The following PCDH7 variants were observed in gnomAD, a reference collection of about 807,000 sequenced individuals.
PCDH7 encodes the protein protocadherin-7.
A neutral mutation model predicts 58.9 loss-of-function variants in PCDH7; 17 were observed. The observed-to-expected ratio is 0.29, with a 90% CI of 0.20 to 0.43. The LOEUF is 0.43. PCDH7 is among the 20% of genes least tolerant of loss of function. PCDH7 has a pLI of 1.00. For synonymous variants in PCDH7, 664 were observed against 616.4 expected, an observed-to-expected ratio of 1.08 and a Z score of -1.14; for missense variants, 1,274 against 1,441.0, an observed-to-expected ratio of 0.88 and a Z score of 1.88.
intron 1 of PCDH7, among the ~76,000 whole-genome samples, chr4:30,888,212 G>C (rs1018569668): frequency 6.6e-6 from 1 of 151,920 alleles, no homozygotes; most frequent in Admixed American, 6.6e-5. Context: ...GTAATGGATC[G>C]ATCATAATTG....
intron 3 of PCDH7, among the ~76,000 whole-genome samples, chr4:31,117,369 T>C (rs1010554541): frequency 6.6e-6 from 1 of 152,210 alleles, no homozygotes; most frequent in African/African-American, 2.4e-5. Context: ...TTTTCTCTAG[T>C]TCCATTAAGG....
intron 1 of PCDH7, among the ~76,000 whole-genome samples, chr4:30,742,013 T>C (rs1054889246): frequency 2.6e-5 from 4 of 152,190 alleles, no homozygotes; most frequent in African/African-American, 7.2e-5. Flanking sequence ...GTTTCCTGGA[T>C]ACACCAGGAA....
intron 1 of PCDH7, among the ~76,000 whole-genome samples, chr4:30,809,325 A>C (rs1726678557): frequency 6.6e-6 from 1 of 152,232 alleles, no homozygotes; most frequent in African/African-American, 2.4e-5. Flanking sequence ...TAGGTCTTGA[A>C]TACCTAAGTC....
intron 3 of PCDH7, among the ~76,000 whole-genome samples, chr4:31,015,996 A>G (rs1753574229): frequency 6.6e-6 from 1 of 152,202 alleles, no homozygotes; most frequent in Admixed American, 6.5e-5. Context: ...GCTTCTGGTG[A>G]CAGAAAAGAT....
At chr4:31,027,398 A>G (rs1481324909) in intron 3 of PCDH7, among the ~76,000 whole-genome samples, 1 of 152,016 alleles carries the variant, frequency 6.6e-6, no homozygotes, top group Non-Finnish European at 1.5e-5. Context: ...TATGTTATGT[A>G]TGTGTATGTA....
intron 2 of PCDH7, among the ~76,000 whole-genome samples, chr4:30,945,861 G>T (rs78354683): frequency 6.6e-6 from 1 of 151,864 alleles, no homozygotes; most frequent in Non-Finnish European, 1.5e-5. Context: ...TAATTCCATC[G>T]GGCCACAGTT....
chr4:30,789,292 A>G (rs998843632), intron 1 of PCDH7, among the ~76,000 whole-genome samples: 5 of 152,298 alleles, frequency 3.3e-5, no homozygotes, highest in African/African-American at 1.2e-4. Context: ...CCCTGCAAGG[A>G]TTGATCAGCA....
In PCDH7 at chr4:30,722,387, C is replaced by G. The variant is rs773326185; in HGVS notation, c.965C>G (p.Ala322Gly). ...GAGGCCGACTTGGCTGAGAACAGCG[C>G]CCCGGGGACCCCCATCCTGCAACTG... The change falls in exon 1 of 2, where the codon GCC becomes GGC. Residue 322 changes from alanine to glycine, a missense_variant. Physicochemically the swap from Ala to Gly is moderately conservative, Grantham distance 60 (BLOSUM62 0). Coordinates refer to ENST00000361762, the Ensembl canonical transcript of PCDH7. This position sits in a 1 kb window ranked among gnomAD's most constrained non-coding sequence, Gnocchi z 7.6. 4 of 1,612,614 alleles carry G rather than the reference C, an allele frequency of 2.5e-6. No homozygotes were observed. In the South Asian group the frequency reaches 4.4e-5, roughly 18 times the overall value.
intron 1 of PCDH7, among the ~76,000 whole-genome samples, chr4:30,752,887 G>A (rs1323373671): frequency 6.6e-6 from 1 of 151,580 alleles, no homozygotes; most frequent in African/African-American, 2.4e-5. Context: ...ATATACTGTA[G>A]ATATTTAAAT....
At chr4:30,937,918 A>C (rs777502412) in intron 2 of PCDH7, among the ~76,000 whole-genome samples, 2 of 151,666 alleles carry the variant, frequency 1.3e-5, no homozygotes, top group Non-Finnish European at 2.9e-5. Context: ...TGGCGTGTGT[A>C]GTTTGCTAAT....
chr4:30,880,293 A>G (rs1269616455), intron 1 of PCDH7, among the ~76,000 whole-genome samples: 6 of 151,986 alleles, frequency 3.9e-5, no homozygotes, highest in African/African-American at 1.4e-4. Flanking sequence ...AAGAAAAAAA[A>G]AAAAACCCTC....
chr4:30,770,069 A>T (rs1394437888), intron 1 of PCDH7, among the ~76,000 whole-genome samples: 1 of 152,176 alleles, frequency 6.6e-6, no homozygotes, highest in Non-Finnish European at 1.5e-5. Context: ...TGTACTCGTA[A>T]TGGCCATTGG....
At chr4:30,994,069 A>G (rs1448291575) in intron 3 of PCDH7, among the ~76,000 whole-genome samples, 3 of 68,932 alleles carry the variant, frequency 4.4e-5, no homozygotes, top group African/African-American at 3.2e-4. Context: ...ACAAATAAGT[A>G]TAATAGTGGT....
intron 2 of PCDH7, among the ~76,000 whole-genome samples, chr4:30,920,660 C>T (rs991260760): frequency 6.6e-6 from 1 of 152,100 alleles, no homozygotes; most frequent in African/African-American, 2.4e-5. Flanking sequence ...TGCAGAATTC[C>T]TAAACAATAG....
intron 1 of PCDH7, among the ~76,000 whole-genome samples, chr4:30,738,542 T>C (rs1216537493): frequency 6.6e-6 from 1 of 152,230 alleles, no homozygotes; most frequent in Non-Finnish European, 1.5e-5. Flanking sequence ...GTCTGCAATG[T>C]TAAGCTTTCA....
At chr4:30,965,989 A>T (rs1034879455) in intron 3 of PCDH7, among the ~76,000 whole-genome samples, 2 of 152,186 alleles carry the variant, frequency 1.3e-5, no homozygotes, top group African/African-American at 4.8e-5. Context: ...TTTCAGGATA[A>T]TTAATCTTCA....
At position 30,915,454 on chromosome 4, in the gene PCDH7, C is replaced by A. The variant is rs375851428; in HGVS notation, c.71-4699C>A. On this transcript the variant is annotated intron_variant, in intron 1 of 3. Coordinates refer to the PCDH7 transcript ENST00000509759. ...CTTTTGATCACATAGGATTGCCTTT[C>A]TGGAAATGTTACGCTTCCTTGACTT... Among the ~76,000 whole-genome samples the A allele has an allele frequency of 3.3e-5, 5 of 152,254 alleles. No homozygotes were observed. The South Asian group carries it at 1.0e-3, about 32-fold the overall frequency.
chr4:31,005,234 T>C (rs1752676710), intron 3 of PCDH7, among the ~76,000 whole-genome samples: 5 of 152,154 alleles, frequency 3.3e-5, no homozygotes, highest in Admixed American at 3.3e-4. Flanking sequence ...GCTTGGGCTA[T>C]TTATAATGGG....
At chr4:30,804,588 G>A (rs2109308683) in intron 1 of PCDH7, among the ~76,000 whole-genome samples, 1 of 151,424 alleles carries the variant, frequency 6.6e-6, no homozygotes, top group Non-Finnish European at 1.5e-5. Flanking sequence ...ATGAGTTTAA[G>A]TTTTATTCTG....
Sources: gnomAD v4.1 joint callset for allele counts (sites outside exome capture counted in the v4.1 genomes callset) on GRCh38, gnomAD v4.1.1 for gene constraint, Gnocchi (gnomAD v3.1) non-coding constraint, MANE v1.5 for transcripts, NCBI Gene and HGNC (gene_info 2026-07-23, HGNC 2026-07-21) for gene names.